The following ZC4H2 variants were observed in gnomAD, a reference collection of about 807,000 sequenced individuals.
ZC4H2 encodes the protein zinc finger C4H2-type containing.
For missense variants in ZC4H2, 137 were observed against 173.9 expected (o/e 0.79, Z 1.19); for synonymous variants, 84 against 66.3 (o/e 1.27, Z -1.30).
intron 1 of ZC4H2, among the ~76,000 whole-genome samples, chrX:65,005,930 T>C (rs922054564): frequency 1.8e-4 from 20 of 110,555 alleles, no homozygotes; most frequent in Non-Finnish European, 7.6e-5. Flanking sequence ...GGGAAGACAT[T>C]TATGCAGCCA....
intron 1 of ZC4H2, among the ~76,000 whole-genome samples, chrX:65,014,964 A>G (rs1353076363): frequency 8.9e-6 from 1 of 111,736 alleles, no homozygotes; most frequent in Non-Finnish European, 1.9e-5. Flanking sequence ...AACAACTTCT[A>G]ATTGTGAGTA....
intron 1 of ZC4H2, among the ~76,000 whole-genome samples, chrX:64,956,123 C>T (rs2147397646): frequency 8.9e-6 from 1 of 112,026 alleles, no homozygotes; most frequent in Admixed American, 9.5e-5. Flanking sequence ...GAAAGTTATA[C>T]TAAATAATAG....
chrX:64,928,701 T>C (rs12014999), intron 1 of ZC4H2, among the ~76,000 whole-genome samples: 3 of 98,352 alleles, frequency 3.1e-5, no homozygotes, highest in African/African-American at 1.2e-4. Flanking sequence ...CTCTTCTTCT[T>C]CTCCTCCTCC....
rs767872535 is a variant in ZC4H2, at chrX:65,003,523, A to C, written c.-272+31106T>G. ...GTTTTTTGAAAAATTAACAAAATAG[A>C]TAGACTGCTAGCGAGACTAATAAAG... is the stretch of plus-strand genomic sequence containing the variant. On this transcript the variant is annotated intron_variant, in intron 1 of 4. Transcript: ENST00000337990. 2.7e-5 allele frequency among the ~76,000 whole-genome samples: 3 copies of C among 111,851 alleles called. No individual in the cohort carries two copies. In the South Asian group the frequency reaches 1.1e-3, roughly 42 times the overall value.
Position 64,945,902 on chromosome X carries a change from G to A in ZC4H2, c.54-23914C>T, listed in dbSNP as rs909283646. 1.8e-5 allele frequency among the ~76,000 whole-genome samples: 2 copies of A among 111,019 alleles called. 1 individual carries two copies. The highest frequency in any genetic ancestry group is 3.8e-5 in the Non-Finnish European group (2 of 52,924). On this transcript the variant is annotated intron_variant, in intron 1 of 4. Coordinates refer to ENST00000374839, the MANE Select transcript of ZC4H2 (RefSeq NM_018684.4). The stretch of plus-strand genomic sequence containing the variant: ...TGTGTGGGGAAAACCACCTACTCAA[G>A]TCTCAGTAATGGTGGAAGCCCCTCC...
intron 1 of ZC4H2, among the ~76,000 whole-genome samples, chrX:64,946,475 A>G (rs1384072405): frequency 1.8e-5 from 2 of 108,762 alleles, no homozygotes; most frequent in Non-Finnish European, 3.8e-5. Context: ...CTCAGTTGGA[A>G]ATGCAGCAGT....
intron 1 of ZC4H2, among the ~76,000 whole-genome samples, chrX:64,935,757 C>A (rs772318347): frequency 5.5e-4 from 62 of 111,874 alleles, no homozygotes; most frequent in African/African-American, 1.5e-3. Context: ...GGAAAACTAA[C>A]AAACATAAAG....
Position 64,951,842 on chromosome X carries a change from T to C in ZC4H2, c.53+24483A>G, listed in dbSNP as rs1050412222. 2.7e-5 allele frequency among the ~76,000 whole-genome samples: 3 copies of C among 111,734 alleles called. No homozygotes were observed. In the Admixed American group the frequency reaches 2.8e-4, roughly 11 times the overall value. On this transcript the variant is annotated intron_variant, in intron 1 of 4. Coordinates refer to ENST00000374839, the MANE Select transcript of ZC4H2 (RefSeq NM_018684.4). The stretch of plus-strand genomic sequence containing the variant: ...TGTCAATTTTGGCTTTTGTTGCCAT[T>C]GCTCTTGGTGTTTTAGACATGAAGT...
rs547532717 is a variant in ZC4H2, at chrX:65,031,764, C to A, written c.-272+2865G>T. ...TCTTTGAAATGTAAAGACATGTCTTCAAAGTTAATGTAGGAGCCCATCTCA... is the reference window on the plus strand; with the variant it reads ...TCTTTGAAATGTAAAGACATGTCTTAAAAGTTAATGTAGGAGCCCATCTCA... On this transcript the variant is annotated intron_variant, in intron 1 of 4. Coordinates refer to the ZC4H2 transcript ENST00000337990. Among the ~76,000 whole-genome samples the A allele has an allele frequency of 2.7e-5, 3 of 111,530 alleles. No homozygotes were observed. The South Asian group carries it at 1.1e-3, about 42-fold the overall frequency.
chrX:64,955,273 G>A (rs1383073492), intron 1 of ZC4H2, among the ~76,000 whole-genome samples: 1 of 111,631 alleles, frequency 9.0e-6, no homozygotes, highest in Admixed American at 9.6e-5. Context: ...CATTTTCAAT[G>A]CATGTTTTCT....
intron 1 of ZC4H2, 108 bp downstream of exon 1, chrX:64,976,216 TG>T: frequency 1.1e-6 from 1 of 899,500 alleles, no homozygotes; most frequent in Non-Finnish European, 1.6e-6. Context: ...CTGTGGTGAA[TG>T]GGCCCCTTTC....
chrX:64,974,973 CAAAAAAAAAAAAA>C (rs58569761), intron 1 of ZC4H2, among the ~76,000 whole-genome samples: 1 of 35,862 alleles, frequency 2.8e-5, no homozygotes, highest in Admixed American at 3.8e-4. Context: ...ATGCTTTTGC[CAAAAAAAAAAAAA>C]AAAAAAAAAA....
upstream of ZC4H2, among the ~76,000 whole-genome samples, chrX:64,977,339 T>C (rs1222237716): frequency 9.0e-6 from 1 of 110,712 alleles, no homozygotes; most frequent in Non-Finnish European, 1.9e-5. Flanking sequence ...GCCTGAAATA[T>C]AGGTTTCTTA....
At chrX:64,959,641 A>AT (rs1931298375) in intron 1 of ZC4H2, among the ~76,000 whole-genome samples, 1 of 108,908 alleles carries the variant, frequency 9.2e-6, no homozygotes, top group Non-Finnish European at 1.9e-5. Flanking sequence ...TTTTGAGGAC[A>AT]TTTTAAATGA....
At chrX:64,971,987 C>T (rs1931796804) in intron 1 of ZC4H2, among the ~76,000 whole-genome samples, 1 of 111,038 alleles carries the variant, frequency 9.0e-6, no homozygotes, top group African/African-American at 3.3e-5. Context: ...TGGTGTAGGG[C>T]TCTGGTCCAT....
intron 1 of ZC4H2, among the ~76,000 whole-genome samples, chrX:65,012,475 A>C (rs1932765285): frequency 9.0e-6 from 1 of 111,266 alleles, no homozygotes; most frequent in African/African-American, 3.3e-5. Flanking sequence ...GTCTCAGAGA[A>C]CTGGAAAACC....
intron 1 of ZC4H2, among the ~76,000 whole-genome samples, chrX:64,947,845 C>T (rs1230961061): frequency 2.0e-5 from 2 of 100,907 alleles, no homozygotes; most frequent in Non-Finnish European, 4.0e-5. Flanking sequence ...TGTCACTTCT[C>T]TTTTTTTTTT....
intron 1 of ZC4H2, 62 bp from the exon 2 acceptor site, chrX:64,922,050 C>A (rs1929220847): frequency 8.5e-7 from 1 of 1,175,435 alleles, no homozygotes; most frequent in Non-Finnish European, 1.1e-6. Context: ...GAAATGGAGC[C>A]AGGACTTTTT....
intron 1 of ZC4H2, among the ~76,000 whole-genome samples, chrX:64,928,632 C>CCTTCTTCTTCTTCTT (rs753426558): frequency 0.021 from 1,760 of 83,313 alleles, 61 homozygotes; most frequent in African/African-American, 0.061. Flanking sequence ...CCTGCTTTCT[C>CCTTCTTCTTCTTCTT]CTTCTTCTTC....
Sources: gnomAD v4.1 joint callset for allele counts (sites outside exome capture counted in the v4.1 genomes callset) on GRCh38, gnomAD v4.1.1 for gene constraint, MANE v1.5 for transcripts, NCBI Gene and HGNC (gene_info 2026-07-23, HGNC 2026-07-21) for gene names.